Variants in CELF2 observed in about 807,000 individuals in gnomAD.
The protein encoded by CELF2 is CUGBP Elav-like family member 2, also known as CUG triplet repeat RNA-binding protein 2.
Under a neutral mutation model 62.6 loss-of-function variants are expected in CELF2, and 8 were observed. The observed-to-expected ratio is 0.13, with a 90% CI of 0.07 to 0.23. The LOEUF (loss-of-function observed/expected upper bound fraction) is 0.23. Ranked by LOEUF, CELF2 falls within the 10% of genes least tolerant of loss-of-function variation. The pLI, the probability that CELF2 is intolerant of heterozygous loss-of-function variation, is 1.00. For missense variants in CELF2, 333 were observed against 671.0 expected (o/e 0.50, Z 5.56); for synonymous variants, 258 against 250.0 (o/e 1.03, Z -0.30).
intron 1 of CELF2, among the ~76,000 whole-genome samples, chr10:11,022,639 CT>C (rs756860271): frequency 6.6e-6 from 1 of 151,992 alleles, no homozygotes; most frequent in Non-Finnish European, 1.5e-5. Context: ...AACTTCATTT[CT>C]CTTTACCCCT....
the CELF2 span, among the ~76,000 whole-genome samples, chr10:10,693,588 A>T: frequency 6.6e-6 from 1 of 151,172 alleles, no homozygotes; most frequent in Admixed American, 6.6e-5. Context: ...AAGGAATGGT[A>T]CCAGTTCCTC....
At chr10:11,005,280 GAGAGAGAGAGA>G, upstream of CELF2, 1 of 1,592,936 alleles carries the variant, frequency 6.3e-7, no homozygotes, top group Admixed American at 1.7e-5. The surrounding 1 kb of genome is among the most constrained non-coding windows in gnomAD (Gnocchi z 4.3). Context: ...GAGAGAGAGA[GAGAGAGAGAGA>G]GAGGGAGGAG....
chr10:10,689,095 T>G, the CELF2 span, among the ~76,000 whole-genome samples: 1 of 152,220 alleles, frequency 6.6e-6, no homozygotes, highest in Non-Finnish European at 1.5e-5. Context: ...ACCTTTTGTA[T>G]TAGTCCATCC....
At chr10:10,503,689 T>C in the CELF2 span, among the ~76,000 whole-genome samples, 3 of 152,010 alleles carry the variant, frequency 2.0e-5, no homozygotes, top group Non-Finnish European at 2.9e-5. Context: ...TTGTTACTGG[T>C]ATATTTAGAT....
chr10:11,234,798 G>A (rs763815378), intron 3 of CELF2, among the ~76,000 whole-genome samples: 7 of 151,720 alleles, frequency 4.6e-5, no homozygotes, highest in Non-Finnish European at 1.0e-4. Flanking sequence ...AGGTAGATCC[G>A]CCCTCCACAG....
At chr10:10,757,901 A>G in the CELF2 span, among the ~76,000 whole-genome samples, 1 of 152,200 alleles carries the variant, frequency 6.6e-6, no homozygotes, top group South Asian at 2.1e-4. Context: ...ATGAAGAAGC[A>G]AAGTTTGTAA....
the CELF2 span, among the ~76,000 whole-genome samples, chr10:10,768,182 C>A: frequency 2.6e-4 from 39 of 149,018 alleles, no homozygotes; most frequent in East Asian, 2.0e-3. Context: ...AAAAAAAAAA[C>A]CAAAAAACTT....
chr10:10,918,253 C>G (rs1258954345), intron 1 of CELF2, among the ~76,000 whole-genome samples: 1 of 152,154 alleles, frequency 6.6e-6, no homozygotes, highest in Non-Finnish European at 1.5e-5. Flanking sequence ...GCTTGGGTAT[C>G]CACAATTCCA....
intron 1 of CELF2, among the ~76,000 whole-genome samples, chr10:11,154,245 G>A (rs1318920853): frequency 6.6e-6 from 1 of 152,204 alleles, no homozygotes; most frequent in Non-Finnish European, 1.5e-5. Context: ...AAATATCAAA[G>A]CCTATTTTAA....
chr10:10,526,015 C>T, the CELF2 span, among the ~76,000 whole-genome samples: 8 of 152,314 alleles, frequency 5.3e-5, no homozygotes, highest in East Asian at 1.9e-4. Context: ...GCCATTCTAA[C>T]GGGTGCGAGG....
In CELF2 at chr10:11,227,361, A is replaced by G. The variant is rs1453737399; in HGVS notation, c.354+9854A>G. Among the ~76,000 whole-genome samples the G allele has an allele frequency of 6.6e-6, 1 of 152,236 alleles. No individual in the cohort carries two copies. Reference sequence around the variant, plus strand: ...AACCAGGGCACTGAGAGGTAGAACCAGGCAGCCCACGCCACAGATGGCACA... The same window carrying G: ...AACCAGGGCACTGAGAGGTAGAACCGGGCAGCCCACGCCACAGATGGCACA... On this transcript the variant is annotated intron_variant, in intron 3 of 12. Coordinates refer to ENST00000633077, the MANE Select transcript of CELF2 (RefSeq NM_001326342.2). This position sits in a 1 kb window ranked among gnomAD's most constrained non-coding sequence, Gnocchi z 4.8.
At chr10:10,771,904 C>G in the CELF2 span, among the ~76,000 whole-genome samples, 1 of 152,224 alleles carries the variant, frequency 6.6e-6, no homozygotes, top group Non-Finnish European at 1.5e-5. Context: ...AGATTTCAGT[C>G]ACTTACAACT....
the CELF2 span, among the ~76,000 whole-genome samples, chr10:10,470,765 A>G: frequency 6.6e-6 from 1 of 150,826 alleles, no homozygotes; most frequent in Admixed American, 6.7e-5. Flanking sequence ...CATGCCACTA[A>G]TCACATCTGC....
rs1277816723 is a variant in CELF2 at position 11,305,615 on chromosome 10, T to G, written c.977-8524T>G. ...CTCTGTTGGAGATATTATACGGGAG[T>G]TATTCCAGGTGATGATCTAGCACCT... On this transcript the variant is annotated intron_variant, in intron 9 of 12. Coordinates refer to ENST00000633077, the MANE Select transcript of CELF2 (RefSeq NM_001326342.2). This position sits in a 1 kb window ranked among gnomAD's most constrained non-coding sequence, Gnocchi z 4.8. Among the ~76,000 whole-genome samples the G allele has an allele frequency of 6.6e-6, 1 of 151,990 alleles. No individual in the cohort carries two copies. The highest frequency in any genetic ancestry group is 1.5e-5 in the Non-Finnish European group (1 of 67,994).
chr10:10,964,918 A>G (rs1387028093), intron 2 of CELF2, among the ~76,000 whole-genome samples: 1 of 152,168 alleles, frequency 6.6e-6, no homozygotes, highest in Admixed American at 6.5e-5. Context: ...CAATGGGAAA[A>G]TATTTCAGCT....
intron 1 of CELF2, among the ~76,000 whole-genome samples, chr10:11,040,229 G>T (rs1291865): frequency 0.64 from 97,894 of 151,898 alleles, 33,375 homozygotes; most frequent in African/African-American, 0.88. Flanking sequence ...CTCTGTGAAT[G>T]GCCTCCAACA....
the CELF2 span, among the ~76,000 whole-genome samples, chr10:10,679,787 T>C: frequency 6.6e-6 from 1 of 152,206 alleles, no homozygotes; most frequent in Non-Finnish European, 1.5e-5. Context: ...GTGATACACA[T>C]TGCTGTCCAT....
chr10:10,767,234 C>T, the CELF2 span, among the ~76,000 whole-genome samples: 18 of 151,680 alleles, frequency 1.2e-4, no homozygotes, highest in East Asian at 9.7e-4. Context: ...CCACCACCAC[C>T]GACACCACCA....
At chr10:10,666,586 G>GTTTAACCTTTAGCCTATTTTCAGT in the CELF2 span, among the ~76,000 whole-genome samples, 8 of 138,304 alleles carry the variant, frequency 5.8e-5, no homozygotes, top group South Asian at 5.5e-4. Flanking sequence ...AAAGAGGCCG[G>GTTTAACCTTTAGCCTATTTTCAGT]GCGCGGTGGC....
Sources: gnomAD v4.1 joint callset for allele counts (sites outside exome capture counted in the v4.1 genomes callset) on GRCh38, gnomAD v4.1.1 for gene constraint, Gnocchi (gnomAD v3.1) non-coding constraint, MANE v1.5 for transcripts, NCBI Gene and HGNC (gene_info 2026-07-23, HGNC 2026-07-21) for gene names.